The following STRBP variants were observed in gnomAD, a reference collection of about 807,000 sequenced individuals.
STRBP encodes the protein spermatid perinuclear RNA-binding protein.
Under a neutral mutation model 80.1 loss-of-function variants are expected in STRBP, and 13 were observed. The observed-to-expected ratio is 0.16, with a 90% CI of 0.11 to 0.26. The LOEUF is 0.26. Among genes scored for constraint, STRBP ranks in the 10% least tolerant of loss-of-function variants. STRBP has a pLI of 1.00. For synonymous variants in STRBP, 284 were observed against 291.2 expected (o/e 0.98, Z 0.25); for missense variants, 485 against 815.2 (o/e 0.59, Z 4.93).
At chr9:123,234,030 C>G (rs550304258) in intron 2 of STRBP, among the ~76,000 whole-genome samples, 5 of 151,920 alleles carry the variant, frequency 3.3e-5, no homozygotes, top group Admixed American at 1.3e-4. Flanking sequence ...GAAATCCCGT[C>G]TCTATTAAAA....
At chr9:123,141,544 C>T (rs1271432051) in intron 13 of STRBP, among the ~76,000 whole-genome samples, 1 of 152,116 alleles carries the variant, frequency 6.6e-6, no homozygotes, top group Non-Finnish European at 1.5e-5. Context: ...TAACACTAGC[C>T]AACACAGGCT....
rs770155351 is a variant in STRBP at position 123,125,000 on chromosome 9, GATACCAAAAC to G, written c.*587_*596del. ...ATTAGTTTTCAATTCCTTGTAATTT[GATACCAAAAC>G]ATATCAAAAATAATAAGCTAAAACA... On this transcript the variant is annotated 3_prime_UTR_variant, in exon 19 of 19. Transcript: ENST00000348403. 6.9e-4 allele frequency: 679 copies of G among 985,534 alleles called. No individual in the cohort carries two copies. Among genetic ancestry groups the G allele is most frequent in the Non-Finnish European group, 7.8e-4 (648 of 829,660 alleles). The allele number at this position is 985,534 out of a possible 1,614,324, so 61.0% of individuals were successfully genotyped here.
chr9:123,157,867 A>C (rs1338750625), intron 11 of STRBP, 145 bp downstream of exon 11: 1 of 647,184 alleles, frequency 1.5e-6, no homozygotes, highest in African/African-American at 1.8e-5. Flanking sequence ...GGACACAGCC[A>C]ACCTATATCA....
chr9:123,138,912 G>A (rs141280767), intron 14 of STRBP, among the ~76,000 whole-genome samples: 25 of 152,250 alleles, frequency 1.6e-4, no homozygotes, highest in African/African-American at 5.3e-4. Flanking sequence ...TAAAGCTAAT[G>A]TTCTTTACAT....
intron 6 of STRBP, among the ~76,000 whole-genome samples, chr9:123,166,134 C>A (rs910798426): frequency 3.3e-5 from 5 of 152,152 alleles, no homozygotes; most frequent in African/African-American, 7.2e-5. Context: ...ATAAGCTATA[C>A]AATATACCAG....
At position 123,230,941 on chromosome 9, in the gene STRBP, A is replaced by G. The variant is rs140658800; in HGVS notation, c.-165+5889T>C. Among the ~76,000 whole-genome samples, 22 of 152,354 alleles carry G rather than the reference A, an allele frequency of 1.4e-4. No homozygotes were observed. In the East Asian group the frequency reaches 4.2e-3, roughly 29 times the overall value. ...TACCCAAAACAAAAAGGTTAAACCT[A>G]TATTGAGTTCTAAAGCAATTACAAA... On this transcript the variant is annotated intron_variant, in intron 2 of 18. Transcript: ENST00000348403.
intron 2 of STRBP, among the ~76,000 whole-genome samples, chr9:123,202,929 T>C (rs755098877): frequency 6.6e-6 from 1 of 152,102 alleles, no homozygotes; most frequent in Non-Finnish European, 1.5e-5. Context: ...ATAACCAACC[T>C]GGTCAGAGCA....
Position 123,136,597 on chromosome 9 carries a change from A to G in STRBP, c.1498-82T>C. Reference sequence around the variant, plus strand: ...TTCTTATTAATACAATTATGCTAAGAAGGAGGCTCAAAAATTCTACTTCAA... The same window carrying G: ...TTCTTATTAATACAATTATGCTAAGGAGGAGGCTCAAAAATTCTACTTCAA... On this transcript the variant is annotated intron_variant, in intron 14 of 18. Transcript: ENST00000348403. The surrounding 1 kb of genome is among the most constrained non-coding windows in gnomAD (Gnocchi z 4.2). The G allele has an allele frequency of 6.7e-7, 1 of 1,493,710 alleles. No homozygotes were observed. Among genetic ancestry groups the G allele is most frequent in the African/African-American group, 1.4e-5 (1 of 70,744 alleles). The allele number at this position is 1,493,710 out of a possible 1,614,324, so 92.5% of individuals were successfully genotyped here. A position where few individuals can be genotyped will look rare whatever the true frequency, so the allele number is the denominator to read the frequency against.
Position 123,160,479 on chromosome 9 carries a change from G to A in STRBP, c.628-17C>T, listed in dbSNP as rs760256376. ...TGCCCTTGCCTAAAACAAACAAAAT[G>A]ATTCCAGATATCCCTATTGAGATCT... is the stretch of plus-strand genomic sequence containing the variant. On this transcript the variant is annotated splice_polypyrimidine_tract_variant and intron_variant, in intron 7 of 18. Transcript: ENST00000348403. 1.9e-6 allele frequency: 3 copies of A among 1,572,286 alleles called. No individual in the cohort carries two copies. Among genetic ancestry groups the A allele is most frequent in the East Asian group, 2.3e-5 (1 of 43,948 alleles).
chr9:123,190,098 G>A (rs1453862899), intron 2 of STRBP, among the ~76,000 whole-genome samples: 1 of 151,960 alleles, frequency 6.6e-6, no homozygotes, highest in Non-Finnish European at 1.5e-5. Context: ...TGGCCAACAT[G>A]GTGAAATCTT....
chr9:123,188,850 C>G (rs533626248), intron 2 of STRBP, among the ~76,000 whole-genome samples: 7 of 152,150 alleles, frequency 4.6e-5, no homozygotes, highest in Non-Finnish European at 8.8e-5. Context: ...GACTAGGAAA[C>G]CTTCAATTTT....
intron 2 of STRBP, among the ~76,000 whole-genome samples, chr9:123,220,861 C>T (rs1305328110): frequency 1.3e-5 from 2 of 152,066 alleles, no homozygotes; most frequent in Non-Finnish European, 2.9e-5. Flanking sequence ...TAAGTGACTT[C>T]CAAGTTGCAG....
At chr9:123,214,145 TAC>T (rs138090782) in intron 2 of STRBP, among the ~76,000 whole-genome samples, 39,335 of 141,106 alleles carry the variant, frequency 0.28, 5,776 homozygotes, top group African/African-American at 0.42. Context: ...TATATATGTA[TAC>T]ACACACACAC....
chr9:123,150,791 C>T (rs966017030), intron 11 of STRBP, among the ~76,000 whole-genome samples: 1 of 152,014 alleles, frequency 6.6e-6, no homozygotes, highest in Admixed American at 6.6e-5. Flanking sequence ...TGGTGAACCC[C>T]CCACACACTG....
At chr9:123,263,060 T>C in intron 1 of STRBP, among the ~76,000 whole-genome samples, 1 of 152,180 alleles carries the variant, frequency 6.6e-6, no homozygotes, top group Admixed American at 6.5e-5. Flanking sequence ...TCAGAAACAG[T>C]TTCTGTAGCT....
rs1564201509 is a variant in STRBP, at chr9:123,110,272, C to G, written c.*85-519G>C. 6.5e-6 allele frequency: 1 copy of G among 153,248 alleles called. No homozygotes were observed. The highest frequency in any genetic ancestry group is 2.4e-5 in the African/African-American group (1 of 41,446). 9.5% of individuals were successfully genotyped at this position (153,248 alleles called of 1,614,324 possible). A position where few individuals can be genotyped will look rare whatever the true frequency, so the allele number is the denominator to read the frequency against. On this transcript the variant is annotated intron_variant and NMD_transcript_variant, in intron 3 of 3. Transcript: ENST00000471564. The surrounding 1 kb of genome is among the most constrained non-coding windows in gnomAD (Gnocchi z 4.1). ...TACACGGCGGGTAAACCAGGACACACAGGCATGGGGCTGCAGGGCTAACGG... is the reference window on the plus strand; with the variant it reads ...TACACGGCGGGTAAACCAGGACACAGAGGCATGGGGCTGCAGGGCTAACGG...
At position 123,136,422 on chromosome 9, in the gene STRBP, A is replaced by G; in HGVS notation, c.1591T>C (p.Ser531Pro). Residue 531 changes from serine to proline, a missense_variant, in exon 15 of 19, where the codon TCA becomes CCA. This residue lies in a region of STRBP where 23 missense variants were observed against 79.0 expected (regional missense o/e 0.29). Coordinates refer to ENST00000348403, the MANE Select transcript of STRBP (RefSeq NM_018387.5). The surrounding 1 kb of genome is among the most constrained non-coding windows in gnomAD (Gnocchi z 4.2). ...KRRGLKYELISETGGSHDKRF... is the reference protein window; with the variant it reads ...KRRGLKYELIPETGGSHDKRF... ...TTGTCATGGCTTCCACCAGTCTCTG[A>G]GATGAGTTCATACTTGAGACCTCTT... 6.2e-7 allele frequency: 1 copy of G among 1,614,156 alleles called. No homozygotes were observed. Among genetic ancestry groups the G allele is most frequent in the Non-Finnish European group, 8.5e-7 (1 of 1,180,028 alleles).
chr9:123,115,239 C>T lies in STRBP; in HGVS notation c.*84+690G>A, dbSNP rs753999902. On this transcript the variant is annotated intron_variant and NMD_transcript_variant, in intron 3 of 3. Transcript: ENST00000471564. This position sits in a 1 kb window ranked among gnomAD's most constrained non-coding sequence, Gnocchi z 5.0. The stretch of plus-strand genomic sequence containing the variant: ...GCATGCCAGGCCCGCCTCTGACTCC[C>T]CTCCTGGGGATCCCGTCTGGCTCAG... The T allele has an allele frequency of 4.2e-6, 2 of 471,236 alleles. No homozygotes were observed. The highest frequency in any genetic ancestry group is 3.1e-5 in the South Asian group (2 of 64,568). The allele number at this position is 471,236 out of a possible 1,614,324, so 29.2% of individuals were successfully genotyped here.
chr9:123,160,595 A>C, intron 7 of STRBP, 133 bp from the exon 8 acceptor site: 1 of 535,978 alleles, frequency 1.9e-6, no homozygotes. Flanking sequence ...AATTAATCAC[A>C]AGTAGTAAAA....
Sources: gnomAD v4.1 joint callset for allele counts (sites outside exome capture counted in the v4.1 genomes callset) on GRCh38, gnomAD v4.1.1 for gene constraint, gnomAD v4.1.1 regional missense constraint, Gnocchi (gnomAD v3.1) non-coding constraint, MANE v1.5 for transcripts, NCBI Gene and HGNC (gene_info 2026-07-23, HGNC 2026-07-21) for gene names.